Variants in SDCBP2 observed in about 807,000 individuals in gnomAD.
SDCBP2 encodes the protein syntenin-2.
SDCBP2 carries 28 observed loss-of-function variants against 30.7 expected under a neutral mutation model. The observed-to-expected ratio is 0.91, with a 90% confidence interval of 0.68 to 1.25. The LOEUF (loss-of-function observed/expected upper bound fraction) is 1.25, where lower values mean the gene tolerates loss of function less well. Among genes scored for constraint, SDCBP2 ranks in the 50% most tolerant of loss-of-function variants. The pLI is 0.00. For synonymous variants in SDCBP2, 166 were observed against 157.3 expected (o/e 1.06, Z -0.41); for missense variants, 399 against 379.0 (o/e 1.05, Z -0.44).
At chr20:1,318,687 CTCAGCGAA>C (rs2088813613) in intron 3 of SDCBP2, among the ~76,000 whole-genome samples, 1 of 152,206 alleles carries the variant, frequency 6.6e-6, no homozygotes, top group South Asian at 2.1e-4. Flanking sequence ...CTCTGCATCC[CTCAGCGAA>C]TGGTTCCCAC....
chr20:1,321,201 G>T lies in SDCBP2; in HGVS notation c.-19-766C>A, dbSNP rs899451241. The T allele has an allele frequency of 2.0e-5, 3 of 152,340 alleles. No homozygotes were observed. Among genetic ancestry groups the T allele is most frequent in the African/African-American group, 4.8e-5 (2 of 41,436 alleles). The allele number at this position is 152,340 out of a possible 1,614,324, so 9.4% of individuals were successfully genotyped here. ...CTGACTGCAGTTCTGAGGGGTAAAGGTGTGTCCTATTCACCCCACTGAACT... is the reference window on the plus strand; with the variant it reads ...CTGACTGCAGTTCTGAGGGGTAAAGTTGTGTCCTATTCACCCCACTGAACT... On this transcript the variant is annotated intron_variant, in intron 1 of 8. Transcript: ENST00000360779. This position sits in a 1 kb window ranked among gnomAD's most constrained non-coding sequence, Gnocchi z 5.2.
At chr20:1,325,378 C>G (rs2122546249) in intron 1 of SDCBP2, 1 of 152,388 alleles carries the variant, frequency 6.6e-6, no homozygotes, top group African/African-American at 2.4e-5. Flanking sequence ...CCACCCAGGC[C>G]CGGGCGCGGT....
intron 3 of SDCBP2, among the ~76,000 whole-genome samples, chr20:1,318,693 G>A (rs752106105): frequency 5.3e-5 from 8 of 152,158 alleles, no homozygotes; most frequent in South Asian, 2.1e-4. Context: ...ATCCCTCAGC[G>A]AATGGTTCCC....
intron 4 of SDCBP2, among the ~76,000 whole-genome samples, chr20:1,315,738 A>T (rs2088767293): frequency 6.6e-6 from 1 of 152,208 alleles, no homozygotes; most frequent in Admixed American, 6.5e-5. Flanking sequence ...TTCTTTACAA[A>T]GTATGAGCCA....
At chr20:1,328,785 A>C (rs1350175809) in intron 1 of SDCBP2, among the ~76,000 whole-genome samples, 1 of 152,032 alleles carries the variant, frequency 6.6e-6, no homozygotes, top group African/African-American at 2.4e-5. Context: ...TTGGCCTTTC[A>C]AGGAGCAAAG....
At chr20:1,310,625 A>G in intron 8 of SDCBP2, 130 bp from the exon 9 acceptor site, 2 of 1,036,792 alleles carry the variant, frequency 1.9e-6, no homozygotes, top group Non-Finnish European at 1.4e-6. Flanking sequence ...TCGAATCACC[A>G]GAAGCCACAA....
At position 1,313,265 on chromosome 20, in the gene SDCBP2, CCTCTGAG is replaced by C; in HGVS notation, c.384+68_384+74del. The stretch of plus-strand genomic sequence containing the variant: ...TGCACCTTCCTTACTGTGGACGGGC[CCTCTGAG>C]CTCTGAGGCCTGGCGGGAGAGCGCG... On this transcript the variant is annotated intron_variant, in intron 5 of 8. Transcript: ENST00000360779. The surrounding 1 kb of genome is among the most constrained non-coding windows in gnomAD (Gnocchi z 5.2). 6.8e-7 allele frequency: 1 copy of C among 1,478,262 alleles called. No individual in the cohort carries two copies. The allele number at this position is 1,478,262 out of a possible 1,614,324, so 91.6% of individuals were successfully genotyped here.
Position 1,313,110 on chromosome 20 carries a change from C to A in SDCBP2, c.384+230G>T. On this transcript the variant is annotated intron_variant, in intron 5 of 8. Coordinates refer to ENST00000360779, the MANE Select transcript of SDCBP2 (RefSeq NM_080489.5). This position sits in a 1 kb window ranked among gnomAD's most constrained non-coding sequence, Gnocchi z 5.2. ...GAAGGGCAGGTGGGGAAGGGAGGCT[C>A]CTCCGAGCGACGGAAGCCCACGGAG... The A allele has an allele frequency of 1.7e-6, 1 of 601,138 alleles. No individual in the cohort carries two copies. The highest frequency in any genetic ancestry group is 2.8e-5 in the East Asian group (1 of 35,400). 37.2% of individuals were successfully genotyped at this position (601,138 alleles called of 1,614,324 possible).
At chr20:1,312,315 C>T in intron 7 of SDCBP2, 22 bp downstream of exon 7, 11 of 1,607,954 alleles carry the variant, frequency 6.8e-6, no homozygotes, top group Non-Finnish European at 9.3e-6. Flanking sequence ...GCAGTCCCTC[C>T]CTGGTGCGGC....
chr20:1,317,104 CATAACT>C (rs2088788506), intron 4 of SDCBP2, among the ~76,000 whole-genome samples: 1 of 152,070 alleles, frequency 6.6e-6, no homozygotes, highest in Admixed American at 6.6e-5. Context: ...AGCAGGCAGG[CATAACT>C]ATACAGAAGC....
intron 4 of SDCBP2, among the ~76,000 whole-genome samples, chr20:1,317,007 C>T (rs562559607): frequency 2.0e-5 from 3 of 152,192 alleles, no homozygotes; most frequent in Admixed American, 6.5e-5. Flanking sequence ...ACATACTGTA[C>T]GATTCCACTT....
intron 1 of SDCBP2, among the ~76,000 whole-genome samples, chr20:1,326,702 A>C (rs777341577): frequency 6.6e-6 from 1 of 152,240 alleles, no homozygotes; most frequent in Admixed American, 6.5e-5. Context: ...TTAATCACCT[A>C]CTATGAGCAA....
At position 1,324,386 on chromosome 20, in the gene SDCBP2, G is replaced by A. The variant is rs2088889751; in HGVS notation, c.-19-3951C>T. The A allele has an allele frequency of 6.6e-6, 1 of 151,916 alleles. No homozygotes were observed. The highest frequency in any genetic ancestry group is 1.5e-5 in the Non-Finnish European group (1 of 67,992). 9.4% of individuals were successfully genotyped at this position (151,916 alleles called of 1,614,324 possible). A position where few individuals can be genotyped will look rare whatever the true frequency, so the allele number is the denominator to read the frequency against. ...TCCAAGGAACAGATTGGAAATTTAT[G>A]TGGGCATTTTTGGGTGTCACGAGAC... On this transcript the variant is annotated intron_variant, in intron 1 of 8. Transcript: ENST00000360779. The surrounding 1 kb of genome is among the most constrained non-coding windows in gnomAD (Gnocchi z 4.7).
intron 1 of SDCBP2, among the ~76,000 whole-genome samples, chr20:1,327,544 C>G (rs529552517): frequency 1.6e-3 from 237 of 152,370 alleles, no homozygotes; most frequent in African/African-American, 5.4e-3. Context: ...CAGTGCTGCA[C>G]TGCCTGCTGG....
intron 1 of SDCBP2, among the ~76,000 whole-genome samples, chr20:1,326,421 C>T (rs1330926827): frequency 2.0e-5 from 3 of 152,214 alleles, no homozygotes; most frequent in Admixed American, 6.5e-5. Context: ...TCATTCTTCT[C>T]CACACTTATC....
At position 1,324,897 on chromosome 20, in the gene SDCBP2, C is replaced by A. The variant is rs1433115137; in HGVS notation, c.-20+4188G>T. Among the ~76,000 whole-genome samples the A allele has an allele frequency of 6.6e-6, 1 of 152,174 alleles. No individual in the cohort carries two copies. Among genetic ancestry groups the A allele is most frequent in the Non-Finnish European group, 1.5e-5 (1 of 68,038 alleles). On this transcript the variant is annotated intron_variant, in intron 1 of 8. Transcript: ENST00000360779. This position sits in a 1 kb window ranked among gnomAD's most constrained non-coding sequence, Gnocchi z 4.7. ...AGCTGATTCCTAAGTTGGGTACAAG[C>A]GTGATCGGGTGTAAGCCAGCCTCAG...
At chr20:1,322,709 C>G (rs1339778408) in intron 1 of SDCBP2, 2 of 152,282 alleles carry the variant, frequency 1.3e-5, no homozygotes, top group East Asian at 3.9e-4. Context: ...GTAGCTGGGA[C>G]ATAGGTGCAT....
In SDCBP2 at chr20:1,324,806, T is replaced by G. The variant is rs55740235; in HGVS notation, c.-20+4279A>C. Among the ~76,000 whole-genome samples, 1,703 of 152,318 alleles carry G rather than the reference T, an allele frequency of 0.011. 30 individuals carry two copies. Among genetic ancestry groups the G allele is most frequent in the African/African-American group, 0.039 (1,629 of 41,548 alleles). Reference sequence around the variant, plus strand: ...CTTTTATATAAATATATTTAGCCTTTGACTCAAGATGTCAGATATAAACTG... The same window carrying G: ...CTTTTATATAAATATATTTAGCCTTGGACTCAAGATGTCAGATATAAACTG... On this transcript the variant is annotated intron_variant, in intron 1 of 8. Coordinates refer to ENST00000360779, the MANE Select transcript of SDCBP2 (RefSeq NM_080489.5). The surrounding 1 kb of genome is among the most constrained non-coding windows in gnomAD (Gnocchi z 4.7).
Position 1,310,432 on chromosome 20 carries a change from G to C in SDCBP2, c.*9C>G, listed in dbSNP as rs1048628. 853,558 of 1,612,230 alleles carry C rather than the reference G, an allele frequency of 0.53. 232,747 individuals are homozygous for C. The highest frequency in any genetic ancestry group is 0.91 in the East Asian group (40,648 of 44,840). ...AAGCCCCCCCTGCCTGCCCTGCCCT[G>C]CAGTGGCTTCAGGCATCTGGGATGG... On this transcript the variant is annotated 3_prime_UTR_variant, in exon 9 of 9. Transcript: ENST00000360779.
Sources: allele counts gnomAD v4.1 joint callset (sites outside exome capture counted in the v4.1 genomes callset), GRCh38; gene constraint gnomAD v4.1.1; non-coding constraint Gnocchi (gnomAD v3.1); transcripts MANE v1.5; gene names NCBI Gene and HGNC (gene_info 2026-07-23, HGNC 2026-07-21).